The following ARB2A variants were observed in gnomAD, a reference collection of about 807,000 sequenced individuals.
ARB2A encodes ARB2 cotranscriptional regulator A.
At chr5:93,989,942 C>A in the ARB2A span, among the ~76,000 whole-genome samples, 1 of 152,000 alleles carries the variant, frequency 6.6e-6, no homozygotes, top group Non-Finnish European at 1.5e-5. Context: ...TTATAACAAA[C>A]AATCTCAAAG....
the ARB2A span, among the ~76,000 whole-genome samples, chr5:93,899,911 A>G: frequency 2.6e-5 from 4 of 152,188 alleles, 1 homozygote; most frequent in African/African-American, 9.6e-5. Context: ...ACATTTTTCT[A>G]TATTCAATAA....
chr5:94,084,032 G>A, the ARB2A span, among the ~76,000 whole-genome samples: 2 of 151,854 alleles, frequency 1.3e-5, no homozygotes, highest in Admixed American at 1.3e-4. Context: ...CAGCACTTTG[G>A]GAAGCCAAGG....
chr5:93,811,400 A>C, the ARB2A span, among the ~76,000 whole-genome samples: 2 of 152,138 alleles, frequency 1.3e-5, no homozygotes, highest in Non-Finnish European at 2.9e-5. Context: ...GAGTAATGAA[A>C]AATCGATTAA....
the ARB2A span, chr5:93,805,258 A>G: frequency 1.0e-6 from 1 of 985,028 alleles, no homozygotes; most frequent in Non-Finnish European, 1.2e-6. Context: ...TACTATTCCT[A>G]TATTTGAAAA....
chr5:93,681,127 G>GA, the ARB2A span, among the ~76,000 whole-genome samples: 30 of 150,408 alleles, frequency 2.0e-4, no homozygotes, highest in Middle Eastern at 3.4e-3. Context: ...TTCCAGTCAA[G>GA]AAAAAAAAAT....
chr5:93,948,801 T>A, the ARB2A span, among the ~76,000 whole-genome samples: 4 of 152,196 alleles, frequency 2.6e-5, no homozygotes, highest in Non-Finnish European at 1.5e-5. Flanking sequence ...TTCAAACTCT[T>A]GTGCTAAAGT....
At chr5:93,691,998 C>G in the ARB2A span, among the ~76,000 whole-genome samples, 2 of 152,142 alleles carry the variant, frequency 1.3e-5, no homozygotes, top group African/African-American at 2.4e-5. Context: ...CACCACCAGG[C>G]CTACCTTACA....
chr5:93,858,702 G>A, the ARB2A span, among the ~76,000 whole-genome samples: 1 of 152,186 alleles, frequency 6.6e-6, no homozygotes, highest in South Asian at 2.1e-4. Flanking sequence ...AGCATAAAAA[G>A]ATTGGCAGTG....
At chr5:94,022,295 C>T in the ARB2A span, among the ~76,000 whole-genome samples, 1 of 152,140 alleles carries the variant, frequency 6.6e-6, no homozygotes, top group East Asian at 1.9e-4. Context: ...CACTTGGGTT[C>T]ATAAAGTGTA....
chr5:93,631,144 C>A, the ARB2A span, among the ~76,000 whole-genome samples: 40 of 152,124 alleles, frequency 2.6e-4, no homozygotes, highest in East Asian at 7.8e-3. Flanking sequence ...CTCAACCTCC[C>A]AAAGTGTTGG....
the ARB2A span, among the ~76,000 whole-genome samples, chr5:93,779,202 A>C: frequency 6.6e-6 from 1 of 152,058 alleles, no homozygotes; most frequent in Non-Finnish European, 1.5e-5. Context: ...AAAACAAGTT[A>C]AATGTTTGCT....
At chr5:94,016,512 T>TAA in the ARB2A span, among the ~76,000 whole-genome samples, 1 of 152,202 alleles carries the variant, frequency 6.6e-6, no homozygotes, top group Non-Finnish European at 1.5e-5. Flanking sequence ...AAGGCTATCA[T>TAA]AAAGTTTTTT....
chr5:94,093,369 A>T, the ARB2A span, among the ~76,000 whole-genome samples: 1 of 152,150 alleles, frequency 6.6e-6, no homozygotes, highest in Non-Finnish European at 1.5e-5. Context: ...TCTGGAGGCT[A>T]GAAGTTCCAG....
chr5:94,002,606 C>T, the ARB2A span, among the ~76,000 whole-genome samples: 1 of 151,982 alleles, frequency 6.6e-6, no homozygotes, highest in Non-Finnish European at 1.5e-5. Context: ...TCTAAAAAGC[C>T]TTGTTGCTTT....
At chr5:93,660,465 A>G in the ARB2A span, among the ~76,000 whole-genome samples, 4 of 152,154 alleles carry the variant, frequency 2.6e-5, no homozygotes, top group Non-Finnish European at 4.4e-5. Context: ...AAGACCAGAG[A>G]TGAGTAAGGG....
the ARB2A span, among the ~76,000 whole-genome samples, chr5:93,895,929 TAG>T: frequency 6.6e-5 from 10 of 152,028 alleles, no homozygotes; most frequent in East Asian, 1.9e-3. Context: ...TAACAAATAG[TAG>T]AGTTTTAAAT....
chr5:94,069,087 T>TAGACAGAC, the ARB2A span, among the ~76,000 whole-genome samples: 5 of 151,250 alleles, frequency 3.3e-5, no homozygotes, highest in Admixed American at 6.6e-5. Flanking sequence ...GATAGATAGA[T>TAGACAGAC]AGACTAATGG....
the ARB2A span, among the ~76,000 whole-genome samples, chr5:93,654,457 G>A: frequency 6.6e-6 from 1 of 152,120 alleles, no homozygotes; most frequent in Non-Finnish European, 1.5e-5. Flanking sequence ...TTTCTCAACA[G>A]ATCACAGAAA....
At chr5:93,830,853 ACATAATTATACAACTAAC>A in the ARB2A span, among the ~76,000 whole-genome samples, 1 of 152,134 alleles carries the variant, frequency 6.6e-6, no homozygotes, top group Non-Finnish European at 1.5e-5. Context: ...ATATATAATG[ACATAATTATACAACTAAC>A]CATAATTTAG....
Sources: gnomAD v4.1 joint callset for allele counts (sites outside exome capture counted in the v4.1 genomes callset) on GRCh38, gnomAD v4.1.1 for gene constraint, MANE v1.5 for transcripts, NCBI Gene and HGNC (gene_info 2026-07-23, HGNC 2026-07-21) for gene names.